The following TNRC6C variants were observed in gnomAD, a reference collection of about 807,000 sequenced individuals.
The protein encoded by TNRC6C is trinucleotide repeat-containing gene 6C protein.
Under a neutral mutation model 153.7 loss-of-function variants are expected in TNRC6C, and 20 were observed. The observed-to-expected ratio is 0.13, with a 90% CI of 0.09 to 0.19. TNRC6C has a LOEUF of 0.19. TNRC6C is among the 10% of genes least tolerant of loss of function. The pLI, the probability that TNRC6C is intolerant of heterozygous loss-of-function variation, is 1.00. For missense variants in TNRC6C, 1,987 were observed against 2,172.0 expected (o/e 0.91, Z 1.69); for synonymous variants, 811 against 841.4 (o/e 0.96, Z 0.63).
rs763523719 is a variant in TNRC6C, at chr17:78,086,559, C to T, written c.3534C>T (p.Ser1178=). ...TGTTACAGGCCCAGCGTAATGTGTC[C>T]GGATCCATGAGACAACAGGAGCAGC... is the stretch of plus-strand genomic sequence containing the variant. The change falls in exon 12 of 20, where the codon TCC becomes TCT. Residue 1178 remains serine (S), a synonymous_variant. Transcript: ENST00000301624. The T allele has an allele frequency of 1.9e-5, 30 of 1,613,744 alleles. No individual in the cohort carries two copies. The African/African-American group carries it at 2.3e-4, about 12-fold the overall frequency.
At chr17:78,095,316 C>A (rs987117041) in intron 16 of TNRC6C, among the ~76,000 whole-genome samples, 5 of 152,240 alleles carry the variant, frequency 3.3e-5, no homozygotes, top group Non-Finnish European at 4.4e-5. Flanking sequence ...AGCTGTCCTC[C>A]AGCTCCATAG....
chr17:78,019,018 G>A, intron 1 of TNRC6C, among the ~76,000 whole-genome samples: 1 of 152,170 alleles, frequency 6.6e-6, no homozygotes, highest in East Asian at 1.9e-4. Context: ...ACATGTGGCA[G>A]TGTCAGGCGG....
exon 20 of TNRC6C, chr17:78,105,005 C>CA: frequency 1.1e-6 from 1 of 930,056 alleles, no homozygotes; most frequent in Non-Finnish European, 1.4e-6. Flanking sequence ...GAACTGTTCG[C>CA]AAAACAGTGC....
intron 3 of TNRC6C, among the ~76,000 whole-genome samples, chr17:78,062,488 T>C (rs2072788345): frequency 6.6e-6 from 1 of 152,186 alleles, no homozygotes; most frequent in Non-Finnish European, 1.5e-5. Context: ...ATACTGTAAG[T>C]TTTTCTCTTG....
intron 2 of TNRC6C, among the ~76,000 whole-genome samples, chr17:78,043,324 C>G (rs960644881): frequency 2.6e-5 from 4 of 152,222 alleles, no homozygotes; most frequent in African/African-American, 9.6e-5. Flanking sequence ...TGCAAGGAGG[C>G]TATAGAGGTG....
intron 1 of TNRC6C, among the ~76,000 whole-genome samples, chr17:78,026,211 A>G (rs2071939438): frequency 6.6e-6 from 1 of 152,200 alleles, no homozygotes; most frequent in South Asian, 2.1e-4. Context: ...ACTGTTGTCA[A>G]ACACTATGCT....
At chr17:77,996,880 A>C (rs1470155746) in intron 1 of TNRC6C, among the ~76,000 whole-genome samples, 5 of 152,206 alleles carry the variant, frequency 3.3e-5, no homozygotes, top group African/African-American at 7.2e-5. Flanking sequence ...GGGTGAGAGG[A>C]AAATCAGGAT....
At chr17:78,105,829 T>C (rs1197859337) in exon 20 of TNRC6C, 3 of 152,224 alleles carry the variant, frequency 2.0e-5, no homozygotes, top group African/African-American at 7.2e-5. Context: ...CGCCCTTCCT[T>C]TAGCTAATCC....
chr17:77,965,887 C>T (rs1481777944), intron 1 of TNRC6C, among the ~76,000 whole-genome samples: 1 of 152,206 alleles, frequency 6.6e-6, no homozygotes, highest in Non-Finnish European at 1.5e-5. Context: ...ATTTCCCAAA[C>T]TTATGTGGCC....
chr17:78,036,156 T>C (rs79266978), intron 2 of TNRC6C, among the ~76,000 whole-genome samples: 8,743 of 152,268 alleles, frequency 0.057, 614 homozygotes, highest in African/African-American at 0.17. Flanking sequence ...AAGTGAAGCT[T>C]GGAGTTCTTT....
chr17:77,968,160 G>A (rs117325488), intron 1 of TNRC6C, among the ~76,000 whole-genome samples: 7,229 of 152,270 alleles, frequency 0.047, 230 homozygotes, highest in Middle Eastern at 0.088. Flanking sequence ...AGCCTCCTGA[G>A]TAGGCGGGAT....
chr17:77,958,768 AGCCGCCGCC>A (rs535480420), upstream of TNRC6C, among the ~76,000 whole-genome samples: 4 of 149,824 alleles, frequency 2.7e-5, no homozygotes, highest in South Asian at 2.1e-4. Context: ...CGGGAGCCGT[AGCCGCCGCC>A]GCCGGCCCCG....
chr17:78,000,497 G>A (rs1450374633), upstream of TNRC6C, among the ~76,000 whole-genome samples: 1 of 151,054 alleles, frequency 6.6e-6, no homozygotes, highest in Non-Finnish European at 1.5e-5. Context: ...TTTTAATTTT[G>A]TCTGATAACA....
intron 3 of TNRC6C, among the ~76,000 whole-genome samples, chr17:78,052,312 G>A (rs2072553462): frequency 6.6e-6 from 1 of 152,148 alleles, no homozygotes; most frequent in Non-Finnish European, 1.5e-5. Flanking sequence ...ACTTGACTGG[G>A]GCCCCTGGAG....
intron 14 of TNRC6C, 22 bp downstream of exon 16, chr17:78,091,629 T>C (rs758453715): frequency 6.8e-7 from 1 of 1,470,628 alleles, no homozygotes; most frequent in Non-Finnish European, 9.0e-7. Context: ...CTAGGATGCC[T>C]GTGGTGGGAT....
chr17:77,982,853 CAA>C (rs1355694652), intron 1 of TNRC6C, among the ~76,000 whole-genome samples: 2 of 152,030 alleles, frequency 1.3e-5, no homozygotes, highest in East Asian at 3.9e-4. Context: ...AAGTTCAAAA[CAA>C]GTAGTAAGAT....
chr17:77,995,139 T>C (rs1317049486), intron 1 of TNRC6C, among the ~76,000 whole-genome samples: 3 of 152,142 alleles, frequency 2.0e-5, no homozygotes, highest in African/African-American at 4.8e-5. Context: ...ATAGCAGATA[T>C]AAGGAGGAGA....
At chr17:77,977,530 C>G (rs1671490323) in intron 1 of TNRC6C, among the ~76,000 whole-genome samples, 1 of 152,182 alleles carries the variant, frequency 6.6e-6, no homozygotes, top group African/African-American at 2.4e-5. Context: ...AGGGAACCAG[C>G]ATTTATTAAG....
At chr17:78,022,734 T>C (rs1032090394) in intron 1 of TNRC6C, among the ~76,000 whole-genome samples, 2 of 152,208 alleles carry the variant, frequency 1.3e-5, no homozygotes, top group African/African-American at 2.4e-5. Context: ...TCGAGTCTTT[T>C]AAAAGGCAAA....
Sources: allele counts gnomAD v4.1 joint callset (sites outside exome capture counted in the v4.1 genomes callset), GRCh38; gene constraint gnomAD v4.1.1; transcripts MANE v1.5; gene names NCBI Gene and HGNC (gene_info 2026-07-23, HGNC 2026-07-21).